ETV1: variants seen among roughly 807,000 people sequenced by gnomAD.
ETV1 encodes the protein ETS translocation variant 1.
ETV1 carries 27 observed loss-of-function variants against 62.3 expected under a neutral mutation model. That is an observed-to-expected ratio of 0.43 (90% CI 0.32 to 0.60). The LOEUF (loss-of-function observed/expected upper bound fraction) is 0.60. Ranked by LOEUF, ETV1 falls within the 20% of genes least tolerant of loss-of-function variation. The pLI is 0.06. For missense variants in ETV1, 605 were observed against 605.8 expected (o/e 1.00, Z 0.01); for synonymous variants, 222 against 199.6 (o/e 1.11, Z -0.94).
At chr7:13,909,854 C>T (rs985990547) in intron 10 of ETV1, among the ~76,000 whole-genome samples, 154 bp from the exon 11 acceptor site, 2 of 152,106 alleles carry the variant, frequency 1.3e-5, no homozygotes, top group African/African-American at 4.8e-5. Context: ...AACCTCTGTG[C>T]CTCAGTTTCC....
intron 6 of ETV1, among the ~76,000 whole-genome samples, chr7:13,953,921 T>C (rs1789116530): frequency 6.6e-6 from 1 of 152,196 alleles, no homozygotes; most frequent in African/African-American, 2.4e-5. Context: ...TATTCAGAAG[T>C]AAATGATAAA....
Position 13,909,689 on chromosome 7 carries a change from C to G in ETV1, c.883G>C (p.Glu295Gln). 1 of 1,612,660 alleles carries G rather than the reference C, an allele frequency of 6.2e-7. No individual in the cohort carries two copies. The highest frequency in any genetic ancestry group is 1.1e-5 in the South Asian group (1 of 91,038). Residue 295 changes from glutamate to glutamine, a missense_variant, in exon 11 of 14, where the codon GAA becomes CAA. Transcript: ENST00000430479. ...HPSRTEGCMF[E>Q]KGPRQFYDDT... ...TCATAAAACTGCCTGGGGCCCTTTT[C>G]AAACATACAGCCTGTGGATGAAAAA...
At chr7:13,897,719 G>A (rs1316842150) in intron 13 of ETV1, among the ~76,000 whole-genome samples, 1 of 152,124 alleles carries the variant, frequency 6.6e-6, no homozygotes, top group Non-Finnish European at 1.5e-5. Flanking sequence ...AAGGTGAAAT[G>A]ATGAAATGAC....
intron 6 of ETV1, among the ~76,000 whole-genome samples, chr7:13,956,285 G>C (rs192643652): frequency 4.7e-4 from 72 of 151,998 alleles, no homozygotes; most frequent in African/African-American, 1.3e-3. Context: ...ACTTTATAGA[G>C]TTGTTGATAC....
chr7:13,940,496 T>C (rs1170034262), intron 6 of ETV1, among the ~76,000 whole-genome samples: 3 of 152,122 alleles, frequency 2.0e-5, no homozygotes, highest in Non-Finnish European at 2.9e-5. Flanking sequence ...GGAAATTGGT[T>C]TAAAAAAGGA....
intron 9 of ETV1, among the ~76,000 whole-genome samples, chr7:13,915,583 T>A (rs1784063617): frequency 6.6e-6 from 1 of 152,162 alleles, no homozygotes; most frequent in Admixed American, 6.5e-5. Flanking sequence ...AATCCAAAGG[T>A]TTACAAGGAT....
intron 13 of ETV1, among the ~76,000 whole-genome samples, chr7:13,899,168 G>T (rs1782143825): frequency 1.3e-5 from 2 of 152,114 alleles, no homozygotes; most frequent in South Asian, 4.1e-4. Flanking sequence ...TGACAGCCCA[G>T]GCAATGTGCC....
intron 5 of ETV1, 34 bp downstream of exon 5, chr7:13,986,604 G>C (rs1199176450): frequency 6.2e-7 from 1 of 1,609,220 alleles, no homozygotes; most frequent in African/African-American, 1.3e-5. Flanking sequence ...TTCTAGAGTT[G>C]CTTTCCCCCC....
intron 6 of ETV1, among the ~76,000 whole-genome samples, chr7:13,970,060 T>C (rs1212518641): frequency 1.3e-5 from 2 of 151,560 alleles, no homozygotes; most frequent in Non-Finnish European, 2.9e-5. Flanking sequence ...ATGGAGACCA[T>C]ACTGGCTAAC....
chr7:13,913,109 C>G (rs1172392806), intron 9 of ETV1, among the ~76,000 whole-genome samples: 3 of 152,172 alleles, frequency 2.0e-5, no homozygotes, highest in African/African-American at 7.2e-5. Flanking sequence ...ATGATCCAAA[C>G]TAGCTAAGCG....
intron 6 of ETV1, among the ~76,000 whole-genome samples, chr7:13,952,351 G>A (rs1175972386): frequency 1.3e-5 from 2 of 152,154 alleles, no homozygotes; most frequent in African/African-American, 2.4e-5. Context: ...GAGGAAAATG[G>A]CAAAGGTCTG....
chr7:13,921,130 G>C (rs995213165), intron 9 of ETV1, among the ~76,000 whole-genome samples: 1 of 152,132 alleles, frequency 6.6e-6, no homozygotes, highest in African/African-American at 2.4e-5. Context: ...ATTTCTTTAA[G>C]CAATAGTTTT....
intron 9 of ETV1, among the ~76,000 whole-genome samples, chr7:13,917,269 G>A (rs953645852): frequency 6.6e-6 from 1 of 151,634 alleles, no homozygotes; most frequent in East Asian, 1.9e-4. Context: ...AGAAAACATA[G>A]ACACAACTGT....
rs1001132651 is a variant in ETV1, at chr7:13,911,151, T to C, written c.871+88A>G. 2.4e-5 allele frequency: 21 copies of C among 875,822 alleles called. No homozygotes were observed. In the South Asian group the frequency reaches 3.0e-4, roughly 12 times the overall value. The allele number at this position is 875,822 out of a possible 1,614,324, so 54.3% of individuals were successfully genotyped here. ...AACATAAATGATTTTTCCCAAATAA[T>C]ATAATGATTAATTAAATGACGTCAT... On this transcript the variant is annotated intron_variant, in intron 10 of 13. Coordinates refer to ENST00000430479, the MANE Select transcript of ETV1 (RefSeq NM_004956.5).
At chr7:13,983,256 A>G (rs1782183996) in intron 5 of ETV1, among the ~76,000 whole-genome samples, 1 of 152,040 alleles carries the variant, frequency 6.6e-6, no homozygotes, top group East Asian at 1.9e-4. Flanking sequence ...GCAGCTACAC[A>G]TTTACATCAG....
At chr7:13,919,077 C>CAAA (rs1784528914) in intron 9 of ETV1, among the ~76,000 whole-genome samples, 1 of 152,024 alleles carries the variant, frequency 6.6e-6, no homozygotes, top group African/African-American at 2.4e-5. Flanking sequence ...AAAATCATGT[C>CAAA]AATGGGAATC....
intron 12 of ETV1, chr7:13,906,088 TCTC>T (rs1782927064): frequency 5.5e-6 from 1 of 180,598 alleles, no homozygotes; most frequent in African/African-American, 2.3e-5. Flanking sequence ...ATCGTTCCTC[TCTC>T]CTAAGGACCA....
chr7:13,947,905 G>C (rs1463666052), intron 6 of ETV1, among the ~76,000 whole-genome samples: 1 of 152,090 alleles, frequency 6.6e-6, no homozygotes, highest in East Asian at 1.9e-4. Context: ...GCTTTATTTG[G>C]TGTTTTAAAA....
intron 6 of ETV1, among the ~76,000 whole-genome samples, chr7:13,951,581 A>G (rs775533272): frequency 1.3e-5 from 2 of 152,316 alleles, no homozygotes; most frequent in Non-Finnish European, 2.9e-5. Flanking sequence ...AAAAGAGAAC[A>G]TATAGATGAC....
Sources: gnomAD v4.1 joint callset for allele counts (sites outside exome capture counted in the v4.1 genomes callset) on GRCh38, gnomAD v4.1.1 for gene constraint, MANE v1.5 for transcripts, NCBI Gene and HGNC (gene_info 2026-07-23, HGNC 2026-07-21) for gene names.